Variants in GFOD1 observed in about 807,000 individuals in gnomAD.
GFOD1 encodes glucose-fructose oxidoreductase domain-containing protein 1.
In GFOD1, 9 loss-of-function variants were observed where a neutral mutation model predicts 25.4. The ratio of observed to expected loss-of-function variants is 0.35; its 90% CI spans 0.21 to 0.62. The LOEUF (loss-of-function observed/expected upper bound fraction) is 0.62. Among genes scored for constraint, GFOD1 ranks in the 20% least tolerant of loss-of-function variants. The pLI, the probability that GFOD1 is intolerant of heterozygous loss-of-function variation, is 0.72. For missense variants in GFOD1, 403 were observed against 556.9 expected, an observed-to-expected ratio of 0.72 and a Z score of 2.78; for synonymous variants, 253 against 245.6, an observed-to-expected ratio of 1.03 and a Z score of -0.28.
chr6:13,480,811 C>A (rs931184493), intron 1 of GFOD1, among the ~76,000 whole-genome samples: 4 of 152,098 alleles, frequency 2.6e-5, no homozygotes, highest in African/African-American at 9.7e-5. Context: ...TGATAAGATC[C>A]CCAGGTGATA....
At chr6:13,431,269 A>G (rs906864423) in intron 1 of GFOD1, among the ~76,000 whole-genome samples, 2 of 152,172 alleles carry the variant, frequency 1.3e-5, no homozygotes, top group Non-Finnish European at 2.9e-5. Context: ...GGCAAGTAAG[A>G]TTATTATTAT....
intron 1 of GFOD1, among the ~76,000 whole-genome samples, chr6:13,386,176 C>T (rs1250293009): frequency 7.3e-6 from 1 of 137,084 alleles, no homozygotes; most frequent in Non-Finnish European, 1.6e-5. Flanking sequence ...ATTCTCCTGC[C>T]TCCGCTTCCC....
chr6:13,379,899 T>G (rs1331340515), intron 1 of GFOD1, among the ~76,000 whole-genome samples: 1 of 152,152 alleles, frequency 6.6e-6, no homozygotes, highest in Non-Finnish European at 1.5e-5. Flanking sequence ...GGACGTGGAT[T>G]GAAATTCTCA....
intron 1 of GFOD1, among the ~76,000 whole-genome samples, chr6:13,458,230 G>T (rs1174266581): frequency 6.6e-6 from 1 of 151,972 alleles, no homozygotes; most frequent in Non-Finnish European, 1.5e-5. Context: ...TGATTCTCCT[G>T]CCCCAGCCTC....
At chr6:13,397,360 C>T (rs1168956117) in intron 1 of GFOD1, among the ~76,000 whole-genome samples, 1 of 152,244 alleles carries the variant, frequency 6.6e-6, no homozygotes, top group African/African-American at 2.4e-5. Context: ...TGTGAAGCCA[C>T]CCTCGAAATG....
In GFOD1 at chr6:13,469,994, C is replaced by A. The variant is rs771633337; in HGVS notation, c.253+16644G>T. ...AGTTCTCTCAGAGCACATGCCATATCTTATATGCCTTTGACCTTTTCTAAC... is the reference window on the plus strand; with the variant it reads ...AGTTCTCTCAGAGCACATGCCATATATTATATGCCTTTGACCTTTTCTAAC... On this transcript the variant is annotated intron_variant, in intron 1 of 1. Coordinates refer to ENST00000379287, the MANE Select transcript of GFOD1 (RefSeq NM_018988.4). 3.8e-6 allele frequency: 5 copies of A among 1,323,382 alleles called. No homozygotes were observed. In the African/African-American group the frequency reaches 4.5e-5, roughly 12 times the overall value. The allele number at this position is 1,323,382 out of a possible 1,614,324, so 82.0% of individuals were successfully genotyped here. A position where few individuals can be genotyped will look rare whatever the true frequency, so the allele number is the denominator to read the frequency against.
chr6:13,449,103 C>G (rs566356026), intron 1 of GFOD1, among the ~76,000 whole-genome samples: 21 of 152,198 alleles, frequency 1.4e-4, no homozygotes, highest in African/African-American at 5.1e-4. Flanking sequence ...CCTGGGCAAC[C>G]TAGTGAGACA....
At chr6:13,385,698 G>GT (rs1483976146) in intron 1 of GFOD1, among the ~76,000 whole-genome samples, 3 of 152,106 alleles carry the variant, frequency 2.0e-5, no homozygotes, top group Admixed American at 6.5e-5. Flanking sequence ...AAAAAGAAAT[G>GT]TAAGTATTTA....
intron 1 of GFOD1, among the ~76,000 whole-genome samples, chr6:13,485,332 T>A (rs987368706): frequency 6.6e-6 from 1 of 152,248 alleles, no homozygotes; most frequent in African/African-American, 2.4e-5. Flanking sequence ...CATACCTATT[T>A]TTAACAAATA....
At chr6:13,443,987 G>A (rs968730369) in intron 1 of GFOD1, among the ~76,000 whole-genome samples, 3 of 152,008 alleles carry the variant, frequency 2.0e-5, no homozygotes, top group African/African-American at 7.3e-5. Flanking sequence ...TAAAATATTT[G>A]GGACCCAGCA....
chr6:13,376,520 G>C (rs2127557504), intron 1 of GFOD1, among the ~76,000 whole-genome samples: 1 of 152,256 alleles, frequency 6.6e-6, no homozygotes, highest in South Asian at 2.1e-4. Context: ...CCCATAGAAA[G>C]AGCCAATTTC....
At chr6:13,462,100 C>G (rs1036546636) in intron 1 of GFOD1, among the ~76,000 whole-genome samples, 1 of 152,176 alleles carries the variant, frequency 6.6e-6, no homozygotes, top group Non-Finnish European at 1.5e-5. Context: ...GAGTCACTTC[C>G]TCAGACTGTA....
rs1785004023 is a variant in GFOD1 at position 13,364,686 on chromosome 6, C to T, written c.*57G>A. ...TGGTCACCCTCTCCCCTCGGCCCTT[C>T]CCTCTCTGTGGACATCCCCTGCAGA... On this transcript the variant is annotated 3_prime_UTR_variant, in exon 2 of 2. Coordinates refer to ENST00000379287, the MANE Select transcript of GFOD1 (RefSeq NM_018988.4). The surrounding 1 kb of genome is among the most constrained non-coding windows in gnomAD (Gnocchi z 4.1). 3 of 1,449,446 alleles carry T rather than the reference C, an allele frequency of 2.1e-6. No homozygotes were observed. The highest frequency in any genetic ancestry group is 2.8e-6 in the Non-Finnish European group (3 of 1,054,922). The allele number at this position is 1,449,446 out of a possible 1,614,324, so 89.8% of individuals were successfully genotyped here.
intron 1 of GFOD1, among the ~76,000 whole-genome samples, chr6:13,470,868 AG>A (rs2127577455): frequency 6.6e-6 from 1 of 152,276 alleles, no homozygotes; most frequent in Non-Finnish European, 1.5e-5. Flanking sequence ...TCTCCCTCCA[AG>A]CCCCCACAAG....
chr6:13,478,230 C>T (rs1758671871), intron 1 of GFOD1, among the ~76,000 whole-genome samples: 1 of 152,138 alleles, frequency 6.6e-6, no homozygotes. Flanking sequence ...ACCTCCACCT[C>T]CTGGGTTCAA....
intron 1 of GFOD1, among the ~76,000 whole-genome samples, chr6:13,387,338 C>T (rs1244027495): frequency 6.6e-6 from 1 of 152,170 alleles, no homozygotes; most frequent in Non-Finnish European, 1.5e-5. Context: ...AGGCCAATAT[C>T]CCTGATGAAC....
chr6:13,464,402 T>A (rs1758344982), intron 1 of GFOD1, among the ~76,000 whole-genome samples: 1 of 152,220 alleles, frequency 6.6e-6, no homozygotes, highest in Non-Finnish European at 1.5e-5. Flanking sequence ...AACGAAGACT[T>A]GTTAGAATGT....
At chr6:13,462,142 T>A (rs551767223) in intron 1 of GFOD1, among the ~76,000 whole-genome samples, 66 of 152,348 alleles carry the variant, frequency 4.3e-4, no homozygotes, top group African/African-American at 1.6e-3. Context: ...GCTTGGCACA[T>A]GGCAAATACC....
chr6:13,481,121 C>A (rs1224636972), intron 1 of GFOD1, among the ~76,000 whole-genome samples: 1 of 152,094 alleles, frequency 6.6e-6, no homozygotes, highest in East Asian at 1.9e-4. Context: ...AGAAAGCAAG[C>A]AAGCAAATGA....
Sources: allele counts gnomAD v4.1 joint callset (sites outside exome capture counted in the v4.1 genomes callset), GRCh38; gene constraint gnomAD v4.1.1; non-coding constraint Gnocchi (gnomAD v3.1); transcripts MANE v1.5; gene names NCBI Gene and HGNC (gene_info 2026-07-23, HGNC 2026-07-21).